The following CCDC92B variants were observed in gnomAD, a reference collection of about 807,000 sequenced individuals.
CCDC92B encodes the protein coiled-coil domain-containing 92B.
A neutral mutation model predicts 5.6 loss-of-function variants in CCDC92B; 2 were observed. The observed-to-expected ratio is 0.36, with a 90% confidence interval of 0.15 to 1.12. The LOEUF is 1.12. Among genes scored for constraint, CCDC92B ranks in the 50% most tolerant of loss-of-function variants. The pLI, the probability that CCDC92B is intolerant of heterozygous loss-of-function variation, is 0.40. For missense variants in CCDC92B, 271 were observed against 262.2 expected (o/e 1.03, Z -0.23); for synonymous variants, 115 against 122.3 (o/e 0.94, Z 0.39).
In CCDC92B at chr17:2,722,296, C is replaced by T. The variant is rs1056764302; in HGVS notation, c.*2115G>A. 2.0e-5 allele frequency: 3 copies of T among 151,904 alleles called. No individual in the cohort carries two copies. Among genetic ancestry groups the T allele is most frequent in the African/African-American group, 7.3e-5 (3 of 41,258 alleles). 9.4% of individuals were successfully genotyped at this position (151,904 alleles called of 1,614,324 possible). A position where few individuals can be genotyped will look rare whatever the true frequency, so the allele number is the denominator to read the frequency against. On this transcript the variant is annotated 3_prime_UTR_variant, in exon 4 of 4. Coordinates refer to ENST00000614400, the MANE Select transcript of CCDC92B (RefSeq NM_001355573.2). ...TGAGTTACACACACTTGAGGGGGGACAGAGATGGTACAGGCGCAACCACAG... is the reference window on the plus strand; with the variant it reads ...TGAGTTACACACACTTGAGGGGGGATAGAGATGGTACAGGCGCAACCACAG...
At chr17:2,740,744 C>T (rs1032492959) in intron 1 of CCDC92B, among the ~76,000 whole-genome samples, 7 of 151,774 alleles carry the variant, frequency 4.6e-5, no homozygotes, top group Non-Finnish European at 8.8e-5. Flanking sequence ...TAAGGCCAGA[C>T]GCAGTGGCTC....
chr17:2,739,635 T>C (rs1023707923), intron 1 of CCDC92B, among the ~76,000 whole-genome samples: 3 of 151,860 alleles, frequency 2.0e-5, no homozygotes, highest in Non-Finnish European at 4.4e-5. Flanking sequence ...TGAGCCAAGA[T>C]TGCGCCACTG....
At chr17:2,734,659 T>C (rs972103592) in intron 2 of CCDC92B, among the ~76,000 whole-genome samples, 2 of 151,866 alleles carry the variant, frequency 1.3e-5, no homozygotes, top group African/African-American at 2.4e-5. Context: ...CCAGCTAATT[T>C]TTTGTATTTT....
intron 1 of CCDC92B, among the ~76,000 whole-genome samples, chr17:2,739,112 A>T (rs1437135216): frequency 6.6e-6 from 1 of 151,566 alleles, no homozygotes. Flanking sequence ...TCACGCCTGT[A>T]ATCCCAGCAC....
chr17:2,734,943 C>T (rs1007659124), intron 2 of CCDC92B, 73 bp downstream of exon 2: 6 of 978,436 alleles, frequency 6.1e-6, no homozygotes, highest in Non-Finnish European at 7.3e-6. Context: ...TTGGTGGGCA[C>T]AACCCAGAGA....
At chr17:2,741,424 C>A (rs1268433963) in intron 1 of CCDC92B, among the ~76,000 whole-genome samples, 1 of 151,866 alleles carries the variant, frequency 6.6e-6, no homozygotes, top group East Asian at 2.0e-4. Context: ...CGCCTGTAAT[C>A]CCAGCACTTT....
At chr17:2,746,410 C>T (rs746303317) in intron 1 of CCDC92B, among the ~76,000 whole-genome samples, 1 of 152,212 alleles carries the variant, frequency 6.6e-6, no homozygotes, top group Admixed American at 6.5e-5. Context: ...TAACATGTCT[C>T]TGATGTGTCT....
rs562066746 is a variant in CCDC92B at position 2,728,508 on chromosome 17, A to C, written c.178+1938T>G. Among the ~76,000 whole-genome samples, 7 of 151,856 alleles carry C rather than the reference A, an allele frequency of 4.6e-5. No individual in the cohort carries two copies. In the South Asian group the frequency reaches 1.5e-3, roughly 32 times the overall value. ...GTAGTCCCAGCTACACGGGAGACTG[A>C]GGCAGAATGGCGTGAACCCGGGAGG... is the stretch of plus-strand genomic sequence containing the variant. On this transcript the variant is annotated intron_variant, in intron 3 of 3. Transcript: ENST00000614400.
intron 2 of CCDC92B, among the ~76,000 whole-genome samples, chr17:2,733,970 G>T (rs927975801): frequency 1.3e-5 from 2 of 151,622 alleles, no homozygotes; most frequent in African/African-American, 2.4e-5. Flanking sequence ...ACGTTGGCCA[G>T]GCTGGTCTTG....
At chr17:2,735,274 A>ACCT in intron 1 of CCDC92B, 106 bp from the exon 2 acceptor site, 3 of 751,404 alleles carry the variant, frequency 4.0e-6, no homozygotes, top group Non-Finnish European at 4.9e-6. Flanking sequence ...TGCCACCAGG[A>ACCT]AGATGATTCT....
At chr17:2,745,968 C>A (rs918305151) in intron 1 of CCDC92B, among the ~76,000 whole-genome samples, 1 of 151,998 alleles carries the variant, frequency 6.6e-6, no homozygotes, top group African/African-American at 2.4e-5. Flanking sequence ...TTCCCCTTGT[C>A]CTTCTCCTTC....
chr17:2,738,118 C>T (rs933867732), intron 1 of CCDC92B, among the ~76,000 whole-genome samples: 2 of 152,016 alleles, frequency 1.3e-5, no homozygotes, highest in Admixed American at 6.6e-5. Flanking sequence ...TAGCTCACTG[C>T]AGCCTCAAAC....
At chr17:2,749,108 C>T (rs2071024389) in intron 1 of CCDC92B, among the ~76,000 whole-genome samples, 1 of 151,996 alleles carries the variant, frequency 6.6e-6, no homozygotes, top group Non-Finnish European at 1.5e-5. Context: ...CTAAGGAGGA[C>T]GGGGAAGCGA....
Position 2,730,572 on chromosome 17 carries a change from A to T in CCDC92B, c.131-79T>A, listed in dbSNP as rs781309203. The T allele has an allele frequency of 9.1e-3, 4,564 of 501,626 alleles. 22 individuals are homozygous for T. Among genetic ancestry groups the T allele is most frequent in the African/African-American group, 0.023 (750 of 32,860 alleles). 31.1% of individuals were successfully genotyped at this position (501,626 alleles called of 1,614,324 possible). A position where few individuals can be genotyped will look rare whatever the true frequency, so the allele number is the denominator to read the frequency against. Reference sequence around the variant, plus strand: ...GTGTGTGTGTGTGTGTGAGAGAGAGAGAGAGAGAGAGAGATCATGGAATTA... The same window carrying T: ...GTGTGTGTGTGTGTGTGAGAGAGAGTGAGAGAGAGAGAGATCATGGAATTA... On this transcript the variant is annotated intron_variant, in intron 2 of 3. Transcript: ENST00000614400.
rs1030760622 is a variant in CCDC92B, at chr17:2,726,918, T to C, written c.179-1918A>G. On this transcript the variant is annotated intron_variant, in intron 3 of 3. Transcript: ENST00000614400. ...GTGAGCCACCACGCCCAGCCCTTTT[T>C]TTTTTTTTTTTTTGAGACAAAGTCT... Among the ~76,000 whole-genome samples, 10 of 151,422 alleles carry C rather than the reference T, an allele frequency of 6.6e-5. No individual in the cohort carries two copies. In the East Asian group the frequency reaches 1.9e-3, roughly 29 times the overall value.
intron 1 of CCDC92B, among the ~76,000 whole-genome samples, chr17:2,744,173 A>T (rs542178603): frequency 6.6e-6 from 1 of 151,412 alleles, no homozygotes. Context: ...ACGGCGCTGC[A>T]CCCGGCCTAA....
intron 1 of CCDC92B, among the ~76,000 whole-genome samples, chr17:2,739,221 G>C (rs2070895783): frequency 6.7e-6 from 1 of 150,036 alleles, no homozygotes; most frequent in Non-Finnish European, 1.5e-5. Flanking sequence ...CAAAAAATTA[G>C]CTGGGTGTGG....
chr17:2,726,724 C>G (rs2070735890), intron 3 of CCDC92B, among the ~76,000 whole-genome samples: 1 of 152,038 alleles, frequency 6.6e-6, no homozygotes, highest in African/African-American at 2.4e-5. Context: ...AGCGATTCTC[C>G]TGCCTCAGCC....
In CCDC92B at chr17:2,721,796, T is replaced by A. The variant is rs955846633; in HGVS notation, c.*2615A>T. The A allele has an allele frequency of 2.0e-5, 3 of 152,136 alleles. No homozygotes were observed. Among genetic ancestry groups the A allele is most frequent in the African/African-American group, 7.2e-5 (3 of 41,382 alleles). 9.4% of individuals were successfully genotyped at this position (152,136 alleles called of 1,614,324 possible). On this transcript the variant is annotated 3_prime_UTR_variant, in exon 4 of 4. Transcript: ENST00000614400. ...GCCCCAGCACCCAGAACCTTTCATC[T>A]AGGGGATCTCCAAGCACCTCACAAA...
Sources: gnomAD v4.1 joint callset for allele counts (sites outside exome capture counted in the v4.1 genomes callset) on GRCh38, gnomAD v4.1.1 for gene constraint, MANE v1.5 for transcripts, NCBI Gene and HGNC (gene_info 2026-07-23, HGNC 2026-07-21) for gene names.